SPOP: variants seen among roughly 807,000 people sequenced by gnomAD.
SPOP encodes the protein speckle-type POZ protein.
Under a neutral mutation model 45.6 loss-of-function variants are expected in SPOP, and 11 were observed. The observed-to-expected ratio is 0.24, with a 90% CI of 0.15 to 0.40. The LOEUF (loss-of-function observed/expected upper bound fraction) is 0.40. Among genes scored for constraint, SPOP ranks in the 10% least tolerant of loss-of-function variants. The pLI is 1.00. For synonymous variants in SPOP, 166 were observed against 166.3 expected (o/e 1.00, Z 0.01); for missense variants, 152 against 465.6 (o/e 0.33, Z 6.20).
At chr17:49,677,463 G>A (rs1018733017) in intron 1 of SPOP, among the ~76,000 whole-genome samples, 3 of 152,248 alleles carry the variant, frequency 2.0e-5, no homozygotes, top group Non-Finnish European at 4.4e-5. Context: ...AGGAGCAACA[G>A]GCTCATTATC....
At chr17:49,624,319 ACGCGCG>A (rs551185712) in intron 1 of SPOP, among the ~76,000 whole-genome samples, 3 of 118,698 alleles carry the variant, frequency 2.5e-5, no homozygotes, top group Admixed American at 9.9e-5. Flanking sequence ...ACACACACAC[ACGCGCG>A]CGCGCGCACA....
chr17:49,653,645 T>A (rs188165948), intron 1 of SPOP, among the ~76,000 whole-genome samples: 2 of 151,866 alleles, frequency 1.3e-5, no homozygotes, highest in African/African-American at 4.8e-5. Context: ...GTACTTCCAA[T>A]GTGACTCCCA....
rs1555584269 is a variant in SPOP at position 49,666,493 on chromosome 17, A to ACC, written c.-67+11438_-67+11439dup. Among the ~76,000 whole-genome samples, 124 of 142,224 alleles carry ACC rather than the reference A, an allele frequency of 8.7e-4. 6 individuals carry two copies. The South Asian group carries it at 0.026, about 29-fold the overall frequency. The allele number at this position is 142,224 out of a possible 152,430, so 93.3% of individuals were successfully genotyped here. On this transcript the variant is annotated intron_variant, in intron 1 of 9. Coordinates refer to ENST00000504102, the MANE Select transcript of SPOP (RefSeq NM_001007228.2). ...CACACACACACACACACACACACAC[A>ACC]CCCATATAGGAACAATATAATAAAT...
chr17:49,632,962 G>A (rs1020746520), intron 1 of SPOP, among the ~76,000 whole-genome samples: 5 of 152,080 alleles, frequency 3.3e-5, no homozygotes, highest in Admixed American at 6.5e-5. Flanking sequence ...AACATGACTA[G>A]GCATATAACT....
intron 1 of SPOP, among the ~76,000 whole-genome samples, chr17:49,677,678 G>A (rs554632397): frequency 2.6e-5 from 4 of 152,276 alleles, no homozygotes; most frequent in Admixed American, 6.5e-5. Flanking sequence ...GGATGGGGCT[G>A]GGAAATGATG....
chr17:49,666,338 C>T (rs975300736), intron 1 of SPOP, among the ~76,000 whole-genome samples: 13 of 151,658 alleles, frequency 8.6e-5, no homozygotes, highest in African/African-American at 3.1e-4. Flanking sequence ...GAAATAAACT[C>T]CAGGTGGATT....
chr17:49,673,530 A>C (rs1359862133), intron 1 of SPOP, among the ~76,000 whole-genome samples: 2 of 152,114 alleles, frequency 1.3e-5, no homozygotes, highest in Non-Finnish European at 2.9e-5. Context: ...AAAATAAAAT[A>C]AATATGCATA....
rs1567811374 is a variant in SPOP, at chr17:49,678,068, TACAC to T, written c.-206_-203del. 1.5e-5 allele frequency: 6 copies of T among 396,804 alleles called. No individual in the cohort carries two copies. The highest frequency in any genetic ancestry group is 2.2e-5 in the Non-Finnish European group (5 of 225,178). The allele number at this position is 396,804 out of a possible 1,614,324, so 24.6% of individuals were successfully genotyped here. ...GAGCGCGCACACTCACACACACACA[TACAC>T]ACCGACACACACCAGCCGGGGCGTC... On this transcript the variant is annotated 5_prime_UTR_variant, in exon 1 of 10. Coordinates refer to ENST00000504102, the MANE Select transcript of SPOP (RefSeq NM_001007228.2).
chr17:49,648,254 C>A (rs1387016783), intron 1 of SPOP, among the ~76,000 whole-genome samples: 1 of 152,158 alleles, frequency 6.6e-6, no homozygotes, highest in Non-Finnish European at 1.5e-5. Context: ...AAATGTAAAT[C>A]CAGATATTGC....
chr17:49,602,264 A>G, intron 8 of SPOP: 1 of 368,666 alleles, frequency 2.7e-6, no homozygotes, highest in African/African-American at 2.1e-5. Context: ...GAAAAATGGC[A>G]ATTACAGGGT....
At chr17:49,616,874 T>C (rs991607036) in intron 5 of SPOP, among the ~76,000 whole-genome samples, 1 of 152,224 alleles carries the variant, frequency 6.6e-6, no homozygotes, top group Non-Finnish European at 1.5e-5. Flanking sequence ...TTCTAAAGTG[T>C]CATCTCACTT....
chr17:49,607,863 T>G lies in SPOP; in HGVS notation c.714+11A>C. The G allele has an allele frequency of 6.2e-7, 1 of 1,610,314 alleles. No individual in the cohort carries two copies. Among genetic ancestry groups the G allele is most frequent in the Non-Finnish European group, 8.5e-7 (1 of 1,177,678 alleles). ...CTGGCTAAACAGACATGTCTTCATC[T>G]TGTTACATACCTTTTTGCTCTCCTC... On this transcript the variant is annotated intron_variant, in intron 7 of 9. Transcript: ENST00000504102.
chr17:49,611,910 T>A, intron 5 of SPOP, among the ~76,000 whole-genome samples: 1 of 146,258 alleles, frequency 6.8e-6, no homozygotes. Context: ...TGAGACAGAG[T>A]CTCACTATGT....
intron 2 of SPOP, chr17:49,622,320 G>C: frequency 1.7e-6 from 1 of 596,230 alleles, no homozygotes; most frequent in South Asian, 1.5e-5. Flanking sequence ...AGGAAAAACA[G>C]AAACAAAAAA....
intron 1 of SPOP, among the ~76,000 whole-genome samples, chr17:49,651,152 A>G (rs2072838962): frequency 6.6e-6 from 1 of 152,216 alleles, no homozygotes; most frequent in African/African-American, 2.4e-5. Flanking sequence ...ATCAGACTGT[A>G]ATTCAGGATA....
At chr17:49,618,489 A>G in intron 5 of SPOP, 1 of 453,252 alleles carries the variant, frequency 2.2e-6, no homozygotes, top group Non-Finnish European at 4.4e-6. Flanking sequence ...ACCCTAGAAA[A>G]AAAATGGTTC....
intron 8 of SPOP, 147 bp downstream of exon 8, chr17:49,607,103 T>C: frequency 5.6e-6 from 5 of 897,690 alleles, no homozygotes; most frequent in Non-Finnish European, 8.4e-6. Flanking sequence ...AATAATTGTG[T>C]TGGAATAATA....
At chr17:49,671,072 G>A (rs2073129666) in intron 1 of SPOP, among the ~76,000 whole-genome samples, 1 of 152,062 alleles carries the variant, frequency 6.6e-6, no homozygotes, top group African/African-American at 2.4e-5. Flanking sequence ...TTGCTCATGA[G>A]AGGTGGGGAC....
intron 6 of SPOP, among the ~76,000 whole-genome samples, chr17:49,608,904 T>TC (rs1369967076): frequency 6.6e-6 from 1 of 152,048 alleles, no homozygotes; most frequent in African/African-American, 2.4e-5. Flanking sequence ...CTCTGCCATT[T>TC]TTTTTTTTTT....
Sources: gnomAD v4.1 joint callset for allele counts (sites outside exome capture counted in the v4.1 genomes callset) on GRCh38, gnomAD v4.1.1 for gene constraint, MANE v1.5 for transcripts, NCBI Gene and HGNC (gene_info 2026-07-23, HGNC 2026-07-21) for gene names.